The following RPS6KA5 variants were observed in gnomAD, a reference collection of about 807,000 sequenced individuals.
RPS6KA5 encodes ribosomal protein S6 kinase A5.
Under a neutral mutation model 85.5 loss-of-function variants are expected in RPS6KA5, and 27 were observed. The ratio of observed to expected loss-of-function variants is 0.32; its 90% CI spans 0.23 to 0.44. The LOEUF (loss-of-function observed/expected upper bound fraction) is 0.44, where lower values mean the gene tolerates loss of function less well. Among genes scored for constraint, RPS6KA5 ranks in the 20% least tolerant of loss-of-function variants. RPS6KA5 has a pLI of 1.00. For synonymous variants in RPS6KA5, 334 were observed against 348.2 expected, an observed-to-expected ratio of 0.96 and a Z score of 0.46; for missense variants, 811 against 980.9, an observed-to-expected ratio of 0.83 and a Z score of 2.31.
chr14:90,906,024 T>C (rs1436626845), intron 8 of RPS6KA5, 125 bp downstream of exon 8: 2 of 895,478 alleles, frequency 2.2e-6, no homozygotes, highest in Middle Eastern at 2.3e-4. Flanking sequence ...AAAGGTGCAA[T>C]GTACGTGAAA....
rs577850788 is a variant in RPS6KA5, at chr14:91,057,764, A to C, written c.103+2568T>G. ...ATGATTTTTATATATACATTCAACC[A>C]ACATTTCCTAAGGGCCCACTATATG... is the stretch of plus-strand genomic sequence containing the variant. On this transcript the variant is annotated intron_variant, in intron 1 of 16. Transcript: ENST00000614987. 9.2e-5 allele frequency among the ~76,000 whole-genome samples: 14 copies of C among 152,360 alleles called. No individual in the cohort carries two copies. The South Asian group carries it at 2.9e-3, about 32-fold the overall frequency.
chr14:90,923,583 ACTGT>A (rs2036514163), intron 5 of RPS6KA5, among the ~76,000 whole-genome samples: 1 of 152,172 alleles, frequency 6.6e-6, no homozygotes, highest in Non-Finnish European at 1.5e-5. Context: ...GGCAACATGA[ACTGT>A]CTAACACATT....
chr14:91,039,160 G>GT (rs1274396948), intron 1 of RPS6KA5, among the ~76,000 whole-genome samples: 2 of 152,076 alleles, frequency 1.3e-5, no homozygotes, highest in African/African-American at 4.8e-5. Flanking sequence ...TCCCCTGAAG[G>GT]TAAGAGTCTT....
At chr14:91,020,480 T>G (rs990965903) in intron 1 of RPS6KA5, among the ~76,000 whole-genome samples, 1 of 150,982 alleles carries the variant, frequency 6.6e-6, no homozygotes, top group Admixed American at 6.6e-5. Context: ...ATCCACAGAT[T>G]TTGGTATCTA....
intron 3 of RPS6KA5, among the ~76,000 whole-genome samples, chr14:90,949,433 T>A (rs1177542151): frequency 6.6e-6 from 1 of 152,228 alleles, no homozygotes; most frequent in East Asian, 1.9e-4. Context: ...TCTGCTAAAG[T>A]AAGGATTAAT....
intron 3 of RPS6KA5, among the ~76,000 whole-genome samples, chr14:90,953,632 A>G (rs751077925): frequency 2.6e-5 from 4 of 152,168 alleles, no homozygotes; most frequent in Non-Finnish European, 5.9e-5. Flanking sequence ...TTTTCCTAGC[A>G]AGGAATATTA....
chr14:90,880,771 GTTGAA>G (rs1329583037), intron 14 of RPS6KA5, among the ~76,000 whole-genome samples: 1 of 149,294 alleles, frequency 6.7e-6, no homozygotes, highest in Non-Finnish European at 1.5e-5. Context: ...ACATCTTCCT[GTTGAA>G]TTGGATATTT....
At position 90,992,014 on chromosome 14, in the gene RPS6KA5, TCA is replaced by T. The variant is rs1175122199; in HGVS notation, c.175+9072_175+9073del. ...AGAAATTAATTCATCAGAAGAGTTT[TCA>T]GTTTCATTTCCAAAGAAAACCTTAC... On this transcript the variant is annotated intron_variant, in intron 2 of 16. Transcript: ENST00000614987. Among the ~76,000 whole-genome samples the T allele has an allele frequency of 3.9e-5, 6 of 152,168 alleles. No homozygotes were observed. The East Asian group carries it at 1.2e-3, about 29-fold the overall frequency.
At chr14:90,898,877 T>C (rs2034995205) in intron 12 of RPS6KA5, among the ~76,000 whole-genome samples, 1 of 152,254 alleles carries the variant, frequency 6.6e-6, no homozygotes, top group South Asian at 2.1e-4. Context: ...CTTTGCTTTC[T>C]GCTTCCTATT....
chr14:90,951,401 G>A (rs2038178927), intron 3 of RPS6KA5, among the ~76,000 whole-genome samples: 2 of 151,906 alleles, frequency 1.3e-5, no homozygotes, highest in South Asian at 4.1e-4. Context: ...CAGGAGAATG[G>A]TGTGAACCTG....
rs1015162488 is a variant in RPS6KA5, at chr14:90,869,007, G to C, written c.*3067C>G. 1 of 152,132 alleles carries C rather than the reference G, an allele frequency of 6.6e-6. No homozygotes were observed. Among genetic ancestry groups the C allele is most frequent in the Non-Finnish European group, 1.5e-5 (1 of 68,024 alleles). The allele number at this position is 152,132 out of a possible 1,614,324, so 9.4% of individuals were successfully genotyped here. A position where few individuals can be genotyped will look rare whatever the true frequency, so the allele number is the denominator to read the frequency against. On this transcript the variant is annotated 3_prime_UTR_variant, in exon 17 of 17. Transcript: ENST00000614987. ...ACTGACTTTCTATTCTAGTAATTCA[G>C]TGGTTTCTTACTTTATAAAGGTTTG...
At position 90,861,214 on chromosome 14, in the gene RPS6KA5, A is replaced by G. The variant is rs2032530405; in HGVS notation, c.*10860T>C. ...AGCCAGAGTCTTTAAAATATATAGT[A>G]GTAGTACTACTAATAAAAATAATGT... On this transcript the variant is annotated 3_prime_UTR_variant, in exon 17 of 17. Coordinates refer to ENST00000614987, the MANE Select transcript of RPS6KA5 (RefSeq NM_004755.4). 6.6e-6 allele frequency: 1 copy of G among 150,402 alleles called. No individual in the cohort carries two copies. The highest frequency in any genetic ancestry group is 1.5e-5 in the Non-Finnish European group (1 of 67,684). 9.3% of individuals were successfully genotyped at this position (150,402 alleles called of 1,614,324 possible).
intron 3 of RPS6KA5, among the ~76,000 whole-genome samples, chr14:90,975,483 G>T (rs1357043426): frequency 1.3e-5 from 2 of 152,126 alleles, no homozygotes; most frequent in Non-Finnish European, 2.9e-5. Context: ...AAGAAATTTG[G>T]GCACAAAAAG....
At chr14:90,937,151 C>A (rs1449379522) in intron 5 of RPS6KA5, among the ~76,000 whole-genome samples, 1 of 152,014 alleles carries the variant, frequency 6.6e-6, no homozygotes, top group Non-Finnish European at 1.5e-5. Context: ...TGTTGTGTCA[C>A]AGAGCCAAGC....
At chr14:90,914,620 C>T (rs2140274068) in intron 7 of RPS6KA5, among the ~76,000 whole-genome samples, 1 of 152,172 alleles carries the variant, frequency 6.6e-6, no homozygotes, top group South Asian at 2.1e-4. Context: ...TGGCCTATCC[C>T]TAGGTTTTTA....
At position 90,972,292 on chromosome 14, in the gene RPS6KA5, G is replaced by C. The variant is rs559531213; in HGVS notation, c.394+6014C>G. ...GCTGAAAAATAAACCAACAGGAAGA[G>C]TCCTCCAAAAAGCTCTGAAAAATAA... On this transcript the variant is annotated intron_variant, in intron 3 of 16. Transcript: ENST00000614987. 2.0e-5 allele frequency among the ~76,000 whole-genome samples: 3 copies of C among 152,212 alleles called. No individual in the cohort carries two copies. In the South Asian group the frequency reaches 6.2e-4, roughly 32 times the overall value.
intron 7 of RPS6KA5, among the ~76,000 whole-genome samples, chr14:90,918,980 G>GA (rs138867767): frequency 0.13 from 20,191 of 150,934 alleles, 1,695 homozygotes; most frequent in East Asian, 0.32. Context: ...AATTTCTAAA[G>GA]AAAAAAAAAT....
chr14:90,997,992 A>G (rs1348086544), intron 2 of RPS6KA5, among the ~76,000 whole-genome samples: 1 of 135,080 alleles, frequency 7.4e-6, no homozygotes, highest in African/African-American at 2.8e-5. Flanking sequence ...TGGGTGGCAC[A>G]GCGAGACTCT....
Position 91,030,611 on chromosome 14 carries a change from G to GAAAAAAAAAAAAAAAAAAAAAAAAAAAA in RPS6KA5, c.104-29480_104-29453dup, listed in dbSNP as rs58737573. On this transcript the variant is annotated intron_variant, in intron 1 of 16. Transcript: ENST00000614987. Reference sequence around the variant, plus strand: ...AACATGCAAGACACCAAAATAAACAGAAAAAAAAAAAAAAAAAAAAAAAAA... The same window carrying GAAAAAAAAAAAAAAAAAAAAAAAAAAAA: ...AACATGCAAGACACCAAAATAAACAGAAAAAAAAAAAAAAAAAAAAAAAAAAAAAAAAAAAAAAAAAAAAAAAAAAAAA... Among the ~76,000 whole-genome samples the GAAAAAAAAAAAAAAAAAAAAAAAAAAAA allele has an allele frequency of 3.2e-4, 7 of 22,072 alleles. 3 individuals are homozygous for GAAAAAAAAAAAAAAAAAAAAAAAAAAAA. The highest frequency in any genetic ancestry group is 6.3e-3 in the East Asian group (2 of 318). 14.5% of individuals were successfully genotyped at this position (22,072 alleles called of 152,430 possible).
Sources: gnomAD v4.1 joint callset for allele counts (sites outside exome capture counted in the v4.1 genomes callset) on GRCh38, gnomAD v4.1.1 for gene constraint, MANE v1.5 for transcripts, NCBI Gene and HGNC (gene_info 2026-07-23, HGNC 2026-07-21) for gene names.